Variants in SLC7A7 observed in about 807,000 individuals in gnomAD.
SLC7A7 encodes Y+L amino acid transporter 1.
A neutral mutation model predicts 47.9 loss-of-function variants in SLC7A7; 39 were observed. The ratio of observed to expected loss-of-function variants is 0.81; its 90% confidence interval spans 0.63 to 1.06. The LOEUF is 1.06. Ranked by LOEUF, SLC7A7 falls within the 50% of genes least tolerant of loss-of-function variation. The pLI is 0.00. For missense variants in SLC7A7, 588 were observed against 632.0 expected (o/e 0.93, Z 0.75); for synonymous variants, 234 against 242.8 (o/e 0.96, Z 0.34).
Position 22,774,372 on chromosome 14 carries a change from A to G in SLC7A7, c.1227T>C (p.Asp409=), listed in dbSNP as rs1313256319. 1.2e-6 allele frequency: 2 copies of G among 1,614,174 alleles called. No homozygotes were observed. Among genetic ancestry groups the G allele is most frequent in the South Asian group, 2.2e-5 (2 of 91,080 alleles). Residue 409 remains aspartate (D), a synonymous_variant, in exon 8 of 10, where the codon GAT becomes GAC. Coordinates refer to ENST00000674313, the MANE Select transcript of SLC7A7 (RefSeq NM_003982.4). ...GQLYLRWKEP[D]RPRPLKLSVF... ...GCCTTACCTTGAGGGGACGAGGTCG[A>G]TCAGGCTCCTTCCAGCGCAGATAAA...
chr14:22,818,164 G>T (rs1371008302), upstream of SLC7A7, among the ~76,000 whole-genome samples: 4 of 152,198 alleles, frequency 2.6e-5, no homozygotes, highest in Non-Finnish European at 4.4e-5. Context: ...CTGTGAGGGG[G>T]AATGGAGAGA....
intron 2 of SLC7A7, among the ~76,000 whole-genome samples, chr14:22,788,447 G>A (rs749197801): frequency 2.6e-5 from 4 of 152,140 alleles, no homozygotes; most frequent in Non-Finnish European, 5.9e-5. Context: ...TAAACAATCT[G>A]TAATCCTAGC....
In SLC7A7 at chr14:22,795,385, G is replaced by GCTTGCTTGCTTTTTCTTTCTTT. The variant is rs1491190196; in HGVS notation, c.500-15335_500-15334insAAAGAAAGAAAAAGCAAGCAAG. ...TGCCCAATCTGAGTATTGCTTGCTT[G>GCTTGCTTGCTTTTTCTTTCTTT]CTTTCTTTCTTTCTTTCTTTCTTTC... On this transcript the variant is annotated intron_variant, in intron 2 of 9. Coordinates refer to ENST00000674313, the MANE Select transcript of SLC7A7 (RefSeq NM_003982.4). Among the ~76,000 whole-genome samples, 6 of 14,496 alleles carry GCTTGCTTGCTTTTTCTTTCTTT rather than the reference G, an allele frequency of 4.1e-4. 1 individual carries two copies. Among genetic ancestry groups the GCTTGCTTGCTTTTTCTTTCTTT allele is most frequent in the Non-Finnish European group, 5.6e-4 (4 of 7,172 alleles). 9.5% of individuals were successfully genotyped at this position (14,496 alleles called of 152,430 possible).
chr14:22,813,538 C>T, intron 1 of SLC7A7, 98 bp from the exon 2 acceptor site: 1 of 1,022,536 alleles, frequency 9.8e-7, no homozygotes, highest in African/African-American at 1.6e-5. Flanking sequence ...AGCTCACCAA[C>T]CAATGCGGAG....
intron 5 of SLC7A7, 55 bp from the exon 6 acceptor site, chr14:22,775,991 T>C: frequency 6.8e-7 from 1 of 1,471,536 alleles, no homozygotes; most frequent in Admixed American, 1.7e-5. Context: ...ATGAAAGACA[T>C]GGATGGGCAT....
Position 22,773,326 on chromosome 14 carries a change from A to G in SLC7A7, c.*284T>C. 1 of 538,092 alleles carries G rather than the reference A, an allele frequency of 1.9e-6. No individual in the cohort carries two copies. Among genetic ancestry groups the G allele is most frequent in the Non-Finnish European group, 3.5e-6 (1 of 282,280 alleles). The allele number at this position is 538,092 out of a possible 1,614,324, so 33.3% of individuals were successfully genotyped here. A position where few individuals can be genotyped will look rare whatever the true frequency, so the allele number is the denominator to read the frequency against. The stretch of plus-strand genomic sequence containing the variant: ...ATTGTGGGCCCTTTTAAAAGAAAAG[A>G]GGAGTAGGTAGGCACACCCAGGTGC... On this transcript the variant is annotated 3_prime_UTR_variant, in exon 10 of 10. Coordinates refer to ENST00000674313, the MANE Select transcript of SLC7A7 (RefSeq NM_003982.4).
At chr14:22,778,731 T>C in intron 4 of SLC7A7, 62 bp downstream of exon 4, 3 of 1,575,530 alleles carry the variant, frequency 1.9e-6, no homozygotes, top group East Asian at 2.2e-5. Context: ...GTCTGGCACG[T>C]AGTAGGAGCT....
intron 1 of SLC7A7, 59 bp from the exon 2 acceptor site, chr14:22,813,499 A>C (rs939225078): frequency 3.1e-4 from 437 of 1,412,612 alleles, no homozygotes; most frequent in East Asian, 1.5e-3. Flanking sequence ...TAGAACCTCT[A>C]CCCGCCTCCA....
chr14:22,773,828 A>C (rs1217950687), intron 9 of SLC7A7, 105 bp downstream of exon 9: 1 of 1,561,532 alleles, frequency 6.4e-7, no homozygotes, highest in African/African-American at 1.4e-5. Context: ...CGAAGGGTTC[A>C]TAAGAAGGGG....
At chr14:22,799,448 C>CTTTTTTTTTTTTTTTTTTTTTTTT (rs56375225) in intron 2 of SLC7A7, among the ~76,000 whole-genome samples, 63 of 76,162 alleles carry the variant, frequency 8.3e-4, no homozygotes, top group East Asian at 1.5e-3. Context: ...TTTTTTCTTT[C>CTTTTTTTTTTTTTTTTTTTTTTTT]TTTTTTTTTT....
chr14:22,792,867 AAGAGAGAGAGAG>A (rs113285148), intron 2 of SLC7A7, among the ~76,000 whole-genome samples: 10 of 122,552 alleles, frequency 8.2e-5, no homozygotes, highest in Non-Finnish European at 1.1e-4. Context: ...CAAAGAAAGA[AAGAGAGAGAGAG>A]AGAGAGAGAG....
At chr14:22,790,755 T>G (rs1209500052) in intron 2 of SLC7A7, among the ~76,000 whole-genome samples, 1 of 152,136 alleles carries the variant, frequency 6.6e-6, no homozygotes, top group African/African-American at 2.4e-5. Context: ...ATCCCAGCAC[T>G]TTGGGAGGCG....
At position 22,813,116 on chromosome 14, in the gene SLC7A7, T is replaced by G. The variant is rs2039344903; in HGVS notation, c.283A>C (p.Thr95Pro). 6 of 1,613,998 alleles carry G rather than the reference T, an allele frequency of 3.7e-6. No individual in the cohort carries two copies. The highest frequency in any genetic ancestry group is 4.2e-6 in the Non-Finnish European group (5 of 1,180,028). The change falls in exon 2 of 10, where the codon ACC becomes CCC. Residue 95 changes from threonine (T) to proline (P), a missense_variant. By Grantham distance (38) the Thr-to-Pro change is conservative. Transcript: ENST00000674313. Reference sequence around the variant, plus strand: ...CTGGCCCCAGATTTCTTAATGGTGGTGCCCAGTTCCGCATAACAAAGGGCC... The same window carrying G: ...CTGGCCCCAGATTTCTTAATGGTGGGGCCCAGTTCCGCATAACAAAGGGCC... Reference protein sequence around the residue: ...FGALCYAELGTTIKKSGASYA... With the variant: ...FGALCYAELGPTIKKSGASYA...
At chr14:22,778,043 C>G (rs906641301) in intron 4 of SLC7A7, among the ~76,000 whole-genome samples, 2 of 152,148 alleles carry the variant, frequency 1.3e-5, no homozygotes, top group Non-Finnish European at 2.9e-5. Context: ...CCATTGCACT[C>G]CAGCCTGGGA....
In SLC7A7 at chr14:22,776,228, C is replaced by G. The variant is rs1396222186; in HGVS notation, c.861G>C (p.Met287Ile). ...CAGCATCACTGGCCAAGATGTCTCT[C>G]ATGTCTAGCACAGTATAATAGGCCA... ...TNVAYYTVLD[M>I]RDILASDAVA... is the part of the protein sequence containing the mutation. The change falls in exon 5 of 10, where the codon ATG becomes ATC. Residue 287 changes from methionine to isoleucine, a missense_variant. Met to Ile is a conservative substitution (Grantham distance 10). Coordinates refer to ENST00000674313, the MANE Select transcript of SLC7A7 (RefSeq NM_003982.4). 1 of 1,614,208 alleles carries G rather than the reference C, an allele frequency of 6.2e-7. No homozygotes were observed. Among genetic ancestry groups the G allele is most frequent in the Non-Finnish European group, 8.5e-7 (1 of 1,180,040 alleles).
At chr14:22,819,100 C>T (rs2039443973), upstream of SLC7A7, among the ~76,000 whole-genome samples, 1 of 152,112 alleles carries the variant, frequency 6.6e-6, no homozygotes, top group Non-Finnish European at 1.5e-5. Flanking sequence ...AGCCCCTCAC[C>T]CTAACCTCAC....
Position 22,774,407 on chromosome 14 carries a change from C to A in SLC7A7, c.1192G>T (p.Val398Leu). 2.5e-6 allele frequency: 4 copies of A among 1,614,104 alleles called. No homozygotes were observed. The highest frequency in any genetic ancestry group is 3.4e-6 in the Non-Finnish European group (4 of 1,180,006). The change falls in exon 8 of 10, where the codon GTG becomes TTG. Residue 398 changes from valine to leucine, a missense_variant. Physicochemically the swap from Val to Leu is conservative, Grantham distance 32. Transcript: ENST00000674313. ...TTCCAGCGCAGATAAAGCTGACCCA[C>A]AATAGAAAGCCCCACAAAGAACCAG... Reference protein sequence around the residue: ...SYWFFVGLSIVGQLYLRWKEP... With the variant: ...SYWFFVGLSILGQLYLRWKEP...
chr14:22,814,258 C>T (rs1432067057), intron 1 of SLC7A7, among the ~76,000 whole-genome samples: 3 of 151,534 alleles, frequency 2.0e-5, no homozygotes, highest in African/African-American at 4.8e-5. Flanking sequence ...CCAAGGCGGG[C>T]AGATCACCTA....
At chr14:22,782,809 C>CCAGA (rs1256182361) in intron 2 of SLC7A7, among the ~76,000 whole-genome samples, 2 of 151,628 alleles carry the variant, frequency 1.3e-5, no homozygotes, top group East Asian at 3.9e-4. Flanking sequence ...TTCACCCAAG[C>CCAGA]CAGAGTACAG....
Sources: gnomAD v4.1 joint callset for allele counts (sites outside exome capture counted in the v4.1 genomes callset) on GRCh38, gnomAD v4.1.1 for gene constraint, MANE v1.5 for transcripts, NCBI Gene and HGNC (gene_info 2026-07-23, HGNC 2026-07-21) for gene names.